The following SLC25A13 variants were observed in gnomAD, a reference collection of about 807,000 sequenced individuals.
SLC25A13 encodes the protein electrogenic aspartate/glutamate antiporter SLC25A13, mitochondrial.
Under a neutral mutation model 85.5 loss-of-function variants are expected in SLC25A13, and 70 were observed. The ratio of observed to expected loss-of-function variants is 0.82; its 90% CI spans 0.68 to 1.00. The LOEUF (loss-of-function observed/expected upper bound fraction) is 1.00, where lower values mean the gene tolerates loss of function less well. Ranked by LOEUF, SLC25A13 falls within the 50% of genes least tolerant of loss-of-function variation. The pLI, the probability that SLC25A13 is intolerant of heterozygous loss-of-function variation, is 0.00. For missense variants in SLC25A13, 765 were observed against 819.8 expected, an observed-to-expected ratio of 0.93 and a Z score of 0.82; for synonymous variants, 259 against 288.7, an observed-to-expected ratio of 0.90 and a Z score of 1.04.
intron 5 of SLC25A13, 151 bp downstream of exon 5, chr7:96,208,687 A>T (rs1420913250): frequency 7.3e-6 from 6 of 820,614 alleles, no homozygotes; most frequent in African/African-American, 1.7e-5. Flanking sequence ...TTGTATTTTT[A>T]GTAGAGACGG....
At chr7:96,253,677 A>T (rs2116873710) in intron 3 of SLC25A13, among the ~76,000 whole-genome samples, 1 of 152,308 alleles carries the variant, frequency 6.6e-6, no homozygotes, top group South Asian at 2.1e-4. Flanking sequence ...GGAAGCAGAC[A>T]GCATAGGAAG....
At position 96,208,708 on chromosome 7, in the gene SLC25A13, T is replaced by C. The variant is rs1043241858; in HGVS notation, c.468+130A>G. 1.6e-5 allele frequency: 16 copies of C among 1,030,780 alleles called. No individual in the cohort carries two copies. The African/African-American group carries it at 1.8e-4, about 11-fold the overall frequency. The allele number at this position is 1,030,780 out of a possible 1,614,324, so 63.9% of individuals were successfully genotyped here. ...TTTTAGTAGAGACGGGGTTTCACCA[T>C]GTTGGCCAGGATGGTCTCGATCTCC... is the stretch of plus-strand genomic sequence containing the variant. On this transcript the variant is annotated intron_variant, in intron 5 of 17. Coordinates refer to ENST00000265631, the MANE Select transcript of SLC25A13 (RefSeq NM_014251.3).
chr7:96,265,803 G>A (rs1731221316), intron 3 of SLC25A13, among the ~76,000 whole-genome samples: 1 of 152,132 alleles, frequency 6.6e-6, no homozygotes, highest in Non-Finnish European at 1.5e-5. Flanking sequence ...AGAATTTACT[G>A]CTCACAGTTC....
chr7:96,228,403 T>C (rs775084142), intron 4 of SLC25A13, among the ~76,000 whole-genome samples: 1 of 152,060 alleles, frequency 6.6e-6, no homozygotes, highest in Non-Finnish European at 1.5e-5. Flanking sequence ...TATAACCCAT[T>C]AGGAATCAGG....
At chr7:96,132,214 A>G (rs1449405567) in intron 14 of SLC25A13, among the ~76,000 whole-genome samples, 4 of 152,182 alleles carry the variant, frequency 2.6e-5, no homozygotes, top group Non-Finnish European at 5.9e-5. Flanking sequence ...CTGGCATTTC[A>G]AGGAAGATCT....
Position 96,177,717 on chromosome 7 carries a change from T to C in SLC25A13, c.1178-6193A>G, listed in dbSNP as rs143010159. Among the ~76,000 whole-genome samples the C allele has an allele frequency of 3.7e-3, 563 of 152,294 alleles. 16 individuals are homozygous for C. Among genetic ancestry groups the C allele is most frequent in the Admixed American group, 0.032 (491 of 15,294 alleles). Reference sequence around the variant, plus strand: ...TTGTTGTTGTTGTTGATCTTCATCATCACTATCACTTATTCTTCCTCCTCC... The same window carrying C: ...TTGTTGTTGTTGTTGATCTTCATCACCACTATCACTTATTCTTCCTCCTCC... On this transcript the variant is annotated intron_variant, in intron 11 of 17. Coordinates refer to ENST00000265631, the MANE Select transcript of SLC25A13 (RefSeq NM_014251.3).
chr7:96,285,902 A>G (rs1798867171), intron 2 of SLC25A13, among the ~76,000 whole-genome samples: 3 of 152,222 alleles, frequency 2.0e-5, no homozygotes, highest in Admixed American at 1.3e-4. Context: ...CGTTAAGACT[A>G]GAAACAAAAC....
intron 3 of SLC25A13, among the ~76,000 whole-genome samples, chr7:96,265,777 G>A (rs897273890): frequency 6.6e-6 from 1 of 152,148 alleles, no homozygotes; most frequent in African/African-American, 2.4e-5. Context: ...CTAGTACTTG[G>A]TAATTTATAA....
chr7:96,125,097 C>CA (rs1554336026), intron 15 of SLC25A13, among the ~76,000 whole-genome samples: 47 of 147,686 alleles, frequency 3.2e-4, no homozygotes, highest in African/African-American at 9.4e-4. Context: ...TCTTAATTCA[C>CA]TTTTTTTTTT....
rs1166965509 is a variant in SLC25A13 at position 96,208,832 on chromosome 7, A to G, written c.468+6T>C. 7 of 1,613,776 alleles carry G rather than the reference A, an allele frequency of 4.3e-6. No individual in the cohort carries two copies. In the Admixed American group the frequency reaches 1.2e-4, roughly 27 times the overall value. ...ACCCTTTTAACTTTTTAAGAGCTAG[A>G]CCCACCAATAAAAACTGAGTAAATT... On this transcript the variant is annotated splice_donor_region_variant and intron_variant, in intron 5 of 17. Transcript: ENST00000265631.
chr7:96,134,669 C>T (rs1439079281), intron 14 of SLC25A13, among the ~76,000 whole-genome samples: 3 of 151,660 alleles, frequency 2.0e-5, no homozygotes, highest in Non-Finnish European at 4.4e-5. Flanking sequence ...GACAGTAAAT[C>T]ATGTATCCCT....
intron 11 of SLC25A13, among the ~76,000 whole-genome samples, chr7:96,182,207 T>A (rs1158016890): frequency 6.6e-6 from 1 of 152,218 alleles, no homozygotes; most frequent in Non-Finnish European, 1.5e-5. Context: ...AAGTTATGTA[T>A]CATTATTATT....
chr7:96,263,021 T>C lies in SLC25A13; in HGVS notation c.212+14175A>G, dbSNP rs576455214. 1.5e-4 allele frequency among the ~76,000 whole-genome samples: 10 copies of C among 68,306 alleles called. No individual in the cohort carries two copies. The East Asian group carries it at 1.7e-3, about 12-fold the overall frequency. The allele number at this position is 68,306 out of a possible 152,430, so 44.8% of individuals were successfully genotyped here. A position where few individuals can be genotyped will look rare whatever the true frequency, so the allele number is the denominator to read the frequency against. ...TTTCCTTCATCCTTTGGTCCAACCA[T>C]CTAGGAAAAAAAAAAAAAAAAAAAC... On this transcript the variant is annotated intron_variant, in intron 3 of 17. Coordinates refer to ENST00000265631, the MANE Select transcript of SLC25A13 (RefSeq NM_014251.3).
chr7:96,121,559 A>G (rs1791505645), intron 17 of SLC25A13, 96 bp downstream of exon 17: 1 of 1,440,948 alleles, frequency 6.9e-7, no homozygotes, highest in African/African-American at 1.4e-5. Context: ...AATCTCTTCT[A>G]TTTTATTATA....
intron 3 of SLC25A13, among the ~76,000 whole-genome samples, chr7:96,275,023 T>C (rs1798393342): frequency 6.6e-6 from 1 of 152,348 alleles, no homozygotes; most frequent in Non-Finnish European, 1.5e-5. Context: ...AACTTTAAAG[T>C]AGTTTTTTCC....
At position 96,128,938 on chromosome 7, in the gene SLC25A13, TG is replaced by T. The variant is rs1363937030; in HGVS notation, c.1591+2804del. On this transcript the variant is annotated intron_variant, in intron 15 of 17. Coordinates refer to ENST00000265631, the MANE Select transcript of SLC25A13 (RefSeq NM_014251.3). ...AAGACACTGCAGCTTCTGCCTTGCT[TG>T]CTCTCTCTCTCTCTCTCTCTCTCTC... Among the ~76,000 whole-genome samples the T allele has an allele frequency of 2.9e-4, 9 of 31,358 alleles. No individual in the cohort carries two copies. The East Asian group carries it at 3.9e-3, about 14-fold the overall frequency. 20.6% of individuals were successfully genotyped at this position (31,358 alleles called of 152,430 possible). A position where few individuals can be genotyped will look rare whatever the true frequency, so the allele number is the denominator to read the frequency against.
At chr7:96,151,608 A>G (rs1386382999) in intron 13 of SLC25A13, among the ~76,000 whole-genome samples, 2 of 150,462 alleles carry the variant, frequency 1.3e-5, no homozygotes, top group African/African-American at 4.9e-5. Flanking sequence ...AAAAAAAAAA[A>G]ATTGTTTTTT....
chr7:96,184,427 C>T lies in SLC25A13; in HGVS notation c.1027G>A (p.Ala343Thr). The T allele has an allele frequency of 6.2e-7, 1 of 1,613,962 alleles. No homozygotes were observed. The highest frequency in any genetic ancestry group is 8.5e-7 in the Non-Finnish European group (1 of 1,179,918). The change falls in exon 11 of 18, where the codon GCC becomes ACC. Residue 343 changes from alanine to threonine, a missense_variant. Physicochemically the swap from Ala to Thr is moderately conservative, Grantham distance 58 (BLOSUM62 0). Transcript: ENST00000265631. ...GLGSVAGAVG[A>T]TAVYPIDLVK... ...AGATCGATAGGATACACAGCAGTGG[C>T]TCCAACAGCTAAAATTAAACAATAT...
In SLC25A13 at chr7:96,170,085, C is replaced by T. The variant is rs866770831; in HGVS notation, c.1271G>A (p.Gly424Asp). The T allele has an allele frequency of 1.1e-5, 18 of 1,614,060 alleles. No homozygotes were observed. The highest frequency in any genetic ancestry group is 1.3e-5 in the Non-Finnish European group (15 of 1,180,038). ...AATTTCTGCTGCAAGTGGGACCGAA[C>T]CATCTTTGTGCATAAATTTATCCCT... is the stretch of plus-strand genomic sequence containing the variant. ...FVRDKFMHKD[G>D]SVPLAAEILA... The change falls in exon 13 of 18, where the codon GGT (glycine) becomes GAT (aspartate). Residue 424 changes from glycine (G) to aspartate (D), a missense_variant. Transcript: ENST00000265631.
Sources: allele counts gnomAD v4.1 joint callset (sites outside exome capture counted in the v4.1 genomes callset), GRCh38; gene constraint gnomAD v4.1.1; transcripts MANE v1.5; gene names NCBI Gene and HGNC (gene_info 2026-07-23, HGNC 2026-07-21).